The following ACADVL variants were observed in gnomAD, a reference collection of about 807,000 sequenced individuals.
The protein encoded by ACADVL is very long-chain acyl-CoA dehydrogenase, mitochondrial.
ACADVL carries 73 observed loss-of-function variants against 80.4 expected under a neutral mutation model. The ratio of observed to expected loss-of-function variants is 0.91; its 90% CI spans 0.75 to 1.10. The LOEUF (loss-of-function observed/expected upper bound fraction) is 1.10. Ranked by LOEUF, ACADVL falls within the 50% of genes least tolerant of loss-of-function variation. The probability of loss-of-function intolerance (pLI) is 0.00; values close to 1 mark genes in which losing one functional copy is unlikely to be tolerated. For synonymous variants in ACADVL, 392 were observed against 326.5 expected (o/e 1.20, Z -2.16); for missense variants, 878 against 858.9 (o/e 1.02, Z -0.28).
chr17:7,222,438 T>TA, intron 9 of ACADVL, 136 bp downstream of exon 9: 1 of 1,360,206 alleles, frequency 7.4e-7, no homozygotes, highest in Admixed American at 2.2e-5. Context: ...TTGGGACTAA[T>TA]ATGTATGCAA....
In ACADVL at chr17:7,225,032, A is replaced by C. The variant is rs1259303157; in HGVS notation, c.1903A>C (p.Lys635Gln). The C allele has an allele frequency of 6.2e-7, 1 of 1,614,106 alleles. No homozygotes were observed. The part of the protein sequence containing the change: ...PWQQELYRNF[K>Q]SISKALVERG... ...GCAGCAAGAGCTCTACCGCAACTTC[A>C]AAAGCATCTCCAAGGCCTTGGTGGA... Residue 635 changes from lysine to glutamine, a missense_variant, in exon 20 of 20, where the codon AAA (lysine) becomes CAA (glutamine). Transcript: ENST00000356839.
At chr17:7,218,981 C>T, upstream of ACADVL, 1 of 944,290 alleles carries the variant, frequency 1.1e-6, no homozygotes, top group Non-Finnish European at 1.7e-6. Context: ...CCCCAGGTCC[C>T]AAGGCACCAG....
Position 7,219,951 on chromosome 17 carries a change from A to G in ACADVL, c.-34A>G. ...GTGCAGGACGCCAGAGCTGGGTCAG[A>G]GCTCGAGCCAGCGGCGCCCGGAGAG... is the stretch of plus-strand genomic sequence containing the variant. On this transcript the variant is annotated 5_prime_UTR_variant, in exon 1 of 20. Coordinates refer to ENST00000356839, the MANE Select transcript of ACADVL (RefSeq NM_000018.4). The G allele has an allele frequency of 2.0e-6, 2 of 1,024,482 alleles. No individual in the cohort carries two copies. Among genetic ancestry groups the G allele is most frequent in the South Asian group, 1.5e-5 (1 of 67,864 alleles). 63.5% of individuals were successfully genotyped at this position (1,024,482 alleles called of 1,614,324 possible).
chr17:7,223,037 T>A, intron 10 of ACADVL, 96 bp from the exon 11 acceptor site: 1 of 1,473,440 alleles, frequency 6.8e-7, no homozygotes, highest in Non-Finnish European at 9.5e-7. Flanking sequence ...TCTGGTTGTA[T>A]GCAAAACCCA....
At chr17:7,217,898 G>A (rs2071007486), upstream of ACADVL, 1 of 1,380,046 alleles carries the variant, frequency 7.2e-7, no homozygotes, top group African/African-American at 1.4e-5. Flanking sequence ...CGGGAGGGAG[G>A]CCTCTCGGCA....
At chr17:7,217,796 G>GCGATGA (rs1258394272), upstream of ACADVL, 15 of 1,535,384 alleles carry the variant, frequency 9.8e-6, no homozygotes, top group Non-Finnish European at 1.3e-5. Flanking sequence ...CCAGCCACCA[G>GCGATGA]CGATGACAGC....
rs727503794 is a variant in ACADVL at position 7,224,244 on chromosome 17, G to A, written c.1532+1G>A. On this transcript the variant is annotated splice_donor_variant, in intron 15 of 19. Coordinates refer to ENST00000356839, the MANE Select transcript of ACADVL (RefSeq NM_000018.4). LOFTEE classifies it high-confidence loss of function. ...GAGAGGCAGGCAAACAGCTGAGGCG[G>A]TAGGCTTAGGGCCAGAGCCAGGGGA... The A allele has an allele frequency of 6.2e-7, 1 of 1,613,784 alleles. No individual in the cohort carries two copies. The highest frequency in any genetic ancestry group is 8.5e-7 in the Non-Finnish European group (1 of 1,180,022).
intron 19 of ACADVL, 31 bp downstream of exon 19, chr17:7,224,915 G>C: frequency 6.2e-7 from 1 of 1,614,072 alleles, no homozygotes; most frequent in Non-Finnish European, 8.5e-7. Context: ...GCTCAGGTGA[G>C]GGCTGGAGGT....
intron 7 of ACADVL, 51 bp from the exon 8 acceptor site, chr17:7,221,901 G>A: frequency 2.5e-6 from 4 of 1,613,642 alleles, no homozygotes; most frequent in Non-Finnish European, 3.4e-6. Context: ...TGGGCCGAGG[G>A]GACTTTGAAG....
chr17:7,224,632 T>A lies in ACADVL; in HGVS notation c.1679-10T>A. On this transcript the variant is annotated splice_polypyrimidine_tract_variant and intron_variant, in intron 17 of 19. Transcript: ENST00000356839. Reference sequence around the variant, plus strand: ...CCCCCACCCCCACCCCCACCCCACCTACCGGACAGATGAACAGTTTCTGCT... The same window carrying A: ...CCCCCACCCCCACCCCCACCCCACCAACCGGACAGATGAACAGTTTCTGCT... 2.9e-6 allele frequency: 1 copy of A among 348,570 alleles called. No homozygotes were observed. Among genetic ancestry groups the A allele is most frequent in the Non-Finnish European group, 4.0e-6 (1 of 250,252 alleles). The allele number at this position is 348,570 out of a possible 1,614,324, so 21.6% of individuals were successfully genotyped here. A position where few individuals can be genotyped will look rare whatever the true frequency, so the allele number is the denominator to read the frequency against.
Position 7,223,982 on chromosome 17 carries a change from G to A in ACADVL, c.1347G>A (p.Glu449=). The change falls in exon 14 of 20, where the codon GAG becomes GAA. Residue 449 remains glutamate, a synonymous_variant. Coordinates refer to ENST00000356839, the MANE Select transcript of ACADVL (RefSeq NM_000018.4). ...GMGFMKEPGV[E]RVLRDLRIFR... ...CCCTGTGCTAGGAACCTGGAGTAGA[G>A]CGTGTGCTCCGAGATCTTCGCATCT... 6.2e-7 allele frequency: 1 copy of A among 1,613,970 alleles called. No homozygotes were observed. The highest frequency in any genetic ancestry group is 8.5e-7 in the Non-Finnish European group (1 of 1,179,986).
rs1226374502 is a variant in ACADVL at position 7,220,780 on chromosome 17, C to G, written c.292C>G (p.Gln98Glu). The change falls in exon 5 of 20, where the codon CAG becomes GAG. Residue 98 changes from glutamine to glutamate, a missense_variant. By Grantham distance (29) the Gln-to-Glu change is conservative (BLOSUM62 2). Transcript: ENST00000356839. ...FPYPSVLNEE[Q>E]TQFLKELVEP... The stretch of plus-strand genomic sequence containing the variant: ...ACCCTCTGCAGTGCTCAACGAAGAG[C>G]AGACACAGTTTCTTAAAGAGCTGGT... 1.2e-6 allele frequency: 2 copies of G among 1,614,136 alleles called. No individual in the cohort carries two copies. The highest frequency in any genetic ancestry group is 1.7e-5 in the Admixed American group (1 of 60,026).
rs372299655 is a variant in ACADVL at position 7,223,110 on chromosome 17, G to A, written c.1078-23G>A. 109 of 1,593,036 alleles carry A rather than the reference G, an allele frequency of 6.8e-5. 1 individual carries two copies. In the South Asian group the frequency reaches 9.9e-4, roughly 15 times the overall value. On this transcript the variant is annotated intron_variant, in intron 10 of 19. Coordinates refer to ENST00000356839, the MANE Select transcript of ACADVL (RefSeq NM_000018.4). ...CTGCAGAACCACACTGAACCACAGC[G>A]GGATGTGTGGACCCTCTTCCAGGTA...
In ACADVL at chr17:7,220,049, C is replaced by A; in HGVS notation, c.62+3C>A. On this transcript the variant is annotated splice_donor_region_variant and intron_variant, in intron 1 of 19. Transcript: ENST00000356839. ...CTGCTGAGGCTCGGGGGCGGAAGGT[C>A]TGTGTGTGACAAGAGGGACGGTGGG... is the stretch of plus-strand genomic sequence containing the variant. 6.2e-7 allele frequency: 1 copy of A among 1,602,868 alleles called. No individual in the cohort carries two copies.
At chr17:7,221,841 G>A (rs2071243632) in intron 7 of ACADVL, 111 bp from the exon 8 acceptor site, 5 of 1,594,562 alleles carry the variant, frequency 3.1e-6, no homozygotes, top group Admixed American at 3.3e-5. Flanking sequence ...CAAAAGAACT[G>A]GATACTCCCA....
chr17:7,218,883 T>C, upstream of ACADVL: 1 of 1,612,142 alleles, frequency 6.2e-7, no homozygotes, highest in Non-Finnish European at 8.5e-7. Flanking sequence ...TCCCTAATCC[T>C]CCAGGATTGG....
upstream of ACADVL, chr17:7,218,756 G>A (rs999391400): frequency 6.3e-6 from 10 of 1,595,452 alleles, no homozygotes; most frequent in African/African-American, 1.3e-4. Context: ...GAAAGATTTG[G>A]GGAGAAGGAT....
At position 7,224,065 on chromosome 17, in the gene ACADVL, G is replaced by A. The variant is rs1555528803; in HGVS notation, c.1430G>A (p.Cys477Tyr). Residue 477 changes from cysteine to tyrosine, a missense_variant, in exon 14 of 20, where the codon TGT (cysteine) becomes TAT (tyrosine). Transcript: ENST00000356839. ...CGGCTGTTTGTGGCTCTGCAGGGCTGTATGGTAAGACAGAGAATTGGGTGG... is the reference window on the plus strand; with the variant it reads ...CGGCTGTTTGTGGCTCTGCAGGGCTATATGGTAAGACAGAGAATTGGGTGG... The part of the protein sequence containing the change: ...ILRLFVALQG[C>Y]MDKGKELSGL... The A allele has an allele frequency of 6.2e-7, 1 of 1,614,142 alleles. No individual in the cohort carries two copies.
intron 17 of ACADVL, 34 bp from the exon 18 acceptor site, chr17:7,224,608 C>CGCG: frequency 6.9e-7 from 1 of 1,459,414 alleles, no homozygotes; most frequent in Non-Finnish European, 9.2e-7. Context: ...AGACTAATGC[C>CGCG]CCCACCCCCA....
Sources: allele counts gnomAD v4.1 joint callset, GRCh38; gene constraint gnomAD v4.1.1; transcripts MANE v1.5; gene names NCBI Gene and HGNC (gene_info 2026-07-23, HGNC 2026-07-21).